ROCK2: variants seen among roughly 807,000 people sequenced by gnomAD.
ROCK2 encodes the protein rho-associated protein kinase 2.
In ROCK2, 61 loss-of-function variants were observed where a neutral mutation model predicts 195.1. That is an observed-to-expected ratio of 0.31 (90% CI 0.25 to 0.39). The LOEUF is 0.39. Among genes scored for constraint, ROCK2 ranks in the 10% least tolerant of loss-of-function variants. ROCK2 has a pLI of 1.00. For synonymous variants in ROCK2, 504 were observed against 545.5 expected, an observed-to-expected ratio of 0.92 and a Z score of 1.06; for missense variants, 1,109 against 1,637.4, an observed-to-expected ratio of 0.68 and a Z score of 5.57.
In ROCK2 at chr2:11,208,454, TA is replaced by T; in HGVS notation, c.2204-8del. On this transcript the variant is annotated splice_region_variant and splice_polypyrimidine_tract_variant and intron_variant, in intron 18 of 32. Coordinates refer to ENST00000315872, the MANE Select transcript of ROCK2 (RefSeq NM_004850.5). ...AAGAGCTTCTTCTCCATTTCTAGTATAATAAAAATGGACACAATCATAAATT... is the reference window on the plus strand; with the variant it reads ...AAGAGCTTCTTCTCCATTTCTAGTATATAAAAATGGACACAATCATAAATT... 1 of 1,442,182 alleles carries T rather than the reference TA, an allele frequency of 6.9e-7. No individual in the cohort carries two copies. The allele number at this position is 1,442,182 out of a possible 1,614,324, so 89.3% of individuals were successfully genotyped here. A position where few individuals can be genotyped will look rare whatever the true frequency, so the allele number is the denominator to read the frequency against.
chr2:11,278,806 G>T (rs536809652), intron 3 of ROCK2, among the ~76,000 whole-genome samples: 18 of 152,204 alleles, frequency 1.2e-4, no homozygotes, highest in African/African-American at 4.3e-4. Flanking sequence ...TAGAGACGGG[G>T]TTTTGCCATG....
intron 32 of ROCK2, among the ~76,000 whole-genome samples, chr2:11,187,478 G>C (rs991121698): frequency 2.6e-5 from 4 of 152,140 alleles, no homozygotes; most frequent in African/African-American, 7.2e-5. Flanking sequence ...TGGGGGTCTT[G>C]GACTACATAT....
At position 11,309,811 on chromosome 2, in the gene ROCK2, C is replaced by T. The variant is rs74367430; in HGVS notation, c.142-22075G>A. Among the ~76,000 whole-genome samples, 816 of 152,088 alleles carry T rather than the reference C, an allele frequency of 5.4e-3. 2 individuals are homozygous for T. Among genetic ancestry groups the T allele is most frequent in the African/African-American group, 0.019 (791 of 41,494 alleles). On this transcript the variant is annotated intron_variant, in intron 1 of 32. Transcript: ENST00000315872. ...TCTGGGAAATGTGATGAAACCCTGT[C>T]TCTACAAAATATACAAAAATTAGCC...
intron 18 of ROCK2, among the ~76,000 whole-genome samples, chr2:11,210,260 AAC>A (rs869114924): frequency 6.8e-4 from 80 of 118,410 alleles, no homozygotes; most frequent in African/African-American, 1.8e-3. Flanking sequence ...TAACAAAAAA[AAC>A]AATCACCATA....
At chr2:11,232,025 T>A (rs1013610599) in intron 5 of ROCK2, among the ~76,000 whole-genome samples, 10 of 152,302 alleles carry the variant, frequency 6.6e-5, no homozygotes, top group African/African-American at 2.2e-4. Context: ...TTCTTTTTTT[T>A]AAACAAACTT....
Position 11,262,648 on chromosome 2 carries a change from T to C in ROCK2, c.325-12850A>G, listed in dbSNP as rs139751643. On this transcript the variant is annotated intron_variant, in intron 3 of 32. Coordinates refer to ENST00000315872, the MANE Select transcript of ROCK2 (RefSeq NM_004850.5). Reference sequence around the variant, plus strand: ...TGCTGCCATCCATGTAAGATGTGACTTGCTGCTCCTTGCCTTCTGCCATGA... The same window carrying C: ...TGCTGCCATCCATGTAAGATGTGACCTGCTGCTCCTTGCCTTCTGCCATGA... 7.9e-3 allele frequency among the ~76,000 whole-genome samples: 1,200 copies of C among 152,310 alleles called. 9 individuals are homozygous for C. The highest frequency in any genetic ancestry group is 0.028 in the African/African-American group (1,150 of 41,562).
At chr2:11,237,964 G>A (rs1057353059) in intron 4 of ROCK2, among the ~76,000 whole-genome samples, 1 of 152,158 alleles carries the variant, frequency 6.6e-6, no homozygotes, top group African/African-American at 2.4e-5. Context: ...CGTAATCCCA[G>A]CTAATCGGGA....
In ROCK2 at chr2:11,224,442, G is replaced by A. The variant is rs767786101; in HGVS notation, c.887C>T (p.Ala296Val). The change falls in exon 7 of 33, where the codon GCG becomes GTG. Residue 296 changes from alanine (A) to valine (V), a missense_variant. Physicochemically the swap from Ala to Val is moderately conservative, Grantham distance 64 (BLOSUM62 0). Coordinates refer to ENST00000315872, the MANE Select transcript of ROCK2 (RefSeq NM_004850.5). ...GCTATATGTTCCTACAAGTGAATCC[G>A]CATAAAATGGAGTATCCCCTAAAAT... Reference protein sequence around the residue: ...EMLVGDTPFYADSLVGTYSKI... With the variant: ...EMLVGDTPFYVDSLVGTYSKI... 4 of 1,610,796 alleles carry A rather than the reference G, an allele frequency of 2.5e-6. No homozygotes were observed. Among genetic ancestry groups the A allele is most frequent in the East Asian group, 2.2e-5 (1 of 44,772 alleles).
rs1285634370 is a variant in ROCK2, at chr2:11,188,725, G to A, written c.4163+3423C>T. 3.3e-5 allele frequency among the ~76,000 whole-genome samples: 5 copies of A among 150,278 alleles called. No individual in the cohort carries two copies. The South Asian group carries it at 6.5e-4, about 20-fold the overall frequency. On this transcript the variant is annotated intron_variant, in intron 32 of 32. Coordinates refer to ENST00000315872, the MANE Select transcript of ROCK2 (RefSeq NM_004850.5). ...TACAAGCTCCGCCTCCCGGGTTCAC[G>A]CCATTCTCCTGCCTCAGCCTCCCGA...
intron 6 of ROCK2, among the ~76,000 whole-genome samples, chr2:11,226,230 G>A (rs1304691540): frequency 1.3e-5 from 2 of 152,130 alleles, no homozygotes; most frequent in African/African-American, 4.8e-5. Flanking sequence ...GAAGGTACTA[G>A]TATTTTTATG....
At chr2:11,200,216 A>G (rs1558284890) in intron 23 of ROCK2, among the ~76,000 whole-genome samples, 1 of 152,194 alleles carries the variant, frequency 6.6e-6, no homozygotes, top group Non-Finnish European at 1.5e-5. Flanking sequence ...TTTAATAAAT[A>G]TATTACAAAT....
rs755583790 is a variant in ROCK2, at chr2:11,249,684, C to T, written c.439G>A (p.Ala147Thr). Residue 147 changes from alanine to threonine, a missense_variant, in exon 4 of 33, where the codon GCC (alanine) becomes ACC (threonine). Ala to Thr is a moderately conservative substitution (Grantham distance 58). Around this residue, in one of 6 missense-constraint regions of ROCK2, gnomAD observed 253 missense variants for 455.5 expected, o/e 0.56. Transcript: ENST00000315872. ...FWEERDIMAF[A>T]NSPWVVQLFY... ...ACCTGAACCACCCAGGGGCTATTGG[C>T]AAAGGCCATAATATCTCTTTCTTCC... The T allele has an allele frequency of 6.4e-7, 1 of 1,559,076 alleles. No homozygotes were observed. The highest frequency in any genetic ancestry group is 1.9e-5 in the Admixed American group (1 of 52,056).
intron 3 of ROCK2, among the ~76,000 whole-genome samples, chr2:11,283,229 T>C (rs1238940624): frequency 2.1e-5 from 3 of 146,256 alleles, no homozygotes; most frequent in Non-Finnish European, 3.0e-5. Context: ...GATAGCGCCA[T>C]TGCACTCCAG....
Position 11,235,820 on chromosome 2 carries a change from A to G in ROCK2, c.605T>C (p.Leu202Pro). ...TAAACCCATGGAGTGTATTGCATCC[A>G]GAGCAAGAACAACTTCAGCAGTGTA... is the stretch of plus-strand genomic sequence containing the variant. Reference protein sequence around the residue: ...KFYTAEVVLALDAIHSMGLIH... With the variant: ...KFYTAEVVLAPDAIHSMGLIH... Residue 202 changes from leucine to proline, a missense_variant, in exon 5 of 33, where the codon CTG becomes CCG. Leu to Pro is a moderately conservative substitution (Grantham distance 98). Around this residue, in one of 6 missense-constraint regions of ROCK2, gnomAD observed 253 missense variants for 455.5 expected, o/e 0.56. Transcript: ENST00000315872. This position sits in a 1 kb window ranked among gnomAD's most constrained non-coding sequence, Gnocchi z 4.2. 6.2e-7 allele frequency: 1 copy of G among 1,614,086 alleles called. No homozygotes were observed. The highest frequency in any genetic ancestry group is 8.5e-7 in the Non-Finnish European group (1 of 1,179,962).
At chr2:11,318,943 G>A (rs1668315124) in intron 1 of ROCK2, among the ~76,000 whole-genome samples, 3 of 152,228 alleles carry the variant, frequency 2.0e-5, no homozygotes, top group South Asian at 2.1e-4. Context: ...TGAGGGCTCC[G>A]TTCTGTTCCA....
chr2:11,190,333 A>C (rs1289263265), intron 32 of ROCK2, among the ~76,000 whole-genome samples: 2 of 150,796 alleles, frequency 1.3e-5, no homozygotes, highest in Admixed American at 6.7e-5. Flanking sequence ...AAATCAATGA[A>C]GAATGATTCA....
intron 3 of ROCK2, among the ~76,000 whole-genome samples, chr2:11,286,249 T>TTTTTTTTTTGAGACGG (rs1482990918): frequency 6.9e-6 from 1 of 144,316 alleles, no homozygotes; most frequent in Non-Finnish European, 1.5e-5. Flanking sequence ...CAGATGTTTT[T>TTTTTTTTTTGAGACGG]AATCTGAACA....
At chr2:11,260,477 C>A (rs1326891198) in intron 3 of ROCK2, among the ~76,000 whole-genome samples, 3 of 146,160 alleles carry the variant, frequency 2.1e-5, no homozygotes, top group African/African-American at 7.5e-5. Context: ...AGGAGTTGTG[C>A]TAACATAGTC....
chr2:11,345,036 C>G (rs561695063), upstream of ROCK2, among the ~76,000 whole-genome samples: 4 of 151,822 alleles, frequency 2.6e-5, no homozygotes, highest in Non-Finnish European at 4.4e-5. Context: ...CCGCGCCCCC[C>G]GCCGCGGCCC....
Sources: allele counts gnomAD v4.1 joint callset (sites outside exome capture counted in the v4.1 genomes callset), GRCh38; gene constraint gnomAD v4.1.1; regional missense constraint gnomAD v4.1.1; non-coding constraint Gnocchi (gnomAD v3.1); transcripts MANE v1.5; gene names NCBI Gene and HGNC (gene_info 2026-07-23, HGNC 2026-07-21).